The following CYP4X1 variants were observed in gnomAD, a reference collection of about 807,000 sequenced individuals.
CYP4X1 encodes cytochrome P450 4X1.
In CYP4X1, 44 loss-of-function variants were observed where a neutral mutation model predicts 57.9. The observed-to-expected ratio is 0.76, with a 90% confidence interval of 0.60 to 0.98. The LOEUF (loss-of-function observed/expected upper bound fraction) is 0.98. Among genes scored for constraint, CYP4X1 ranks in the 50% least tolerant of loss-of-function variants. The probability of loss-of-function intolerance (pLI) is 0.00; values close to 1 mark genes in which losing one functional copy is unlikely to be tolerated. For synonymous variants in CYP4X1, 227 were observed against 228.6 expected, an observed-to-expected ratio of 0.99 and a Z score of 0.06; for missense variants, 532 against 623.9, an observed-to-expected ratio of 0.85 and a Z score of 1.57.
intron 4 of CYP4X1, among the ~76,000 whole-genome samples, chr1:47,035,341 C>T (rs1557605301): frequency 6.6e-6 from 1 of 152,010 alleles, no homozygotes; most frequent in Non-Finnish European, 1.5e-5. Context: ...CTGTTTCTCA[C>T]TTTTGAATCC....
At chr1:47,034,804 C>T (rs1644162192) in intron 4 of CYP4X1, among the ~76,000 whole-genome samples, 1 of 151,884 alleles carries the variant, frequency 6.6e-6, no homozygotes, top group African/African-American at 2.4e-5. Context: ...TTTCTCGGAG[C>T]GCTTCCTCCC....
upstream of CYP4X1, chr1:47,023,464 T>G: frequency 1.1e-6 from 1 of 944,980 alleles, no homozygotes; most frequent in African/African-American, 1.7e-5. Context: ...TAATTTGTGA[T>G]AAGGAAGAAA....
At chr1:47,011,960 G>A in the CYP4X1 span, among the ~76,000 whole-genome samples, 1 of 152,210 alleles carries the variant, frequency 6.6e-6, no homozygotes, top group African/African-American at 2.4e-5. Flanking sequence ...CACTGTTGGT[G>A]GGACTGTAAA....
rs376250685 is a variant in CYP4X1 at position 47,049,987 on chromosome 1, C to G, written c.1356-13C>G. 24 of 1,609,902 alleles carry G rather than the reference C, an allele frequency of 1.5e-5. No individual in the cohort carries two copies. The African/African-American group carries it at 2.9e-4, about 20-fold the overall frequency. ...TTTTTTCAAGTATCACTTTCTTTCC[C>G]TCTTGTCTTCAGGAACTGCATTGGG... On this transcript the variant is annotated splice_polypyrimidine_tract_variant and intron_variant, in intron 11 of 11. Coordinates refer to ENST00000371901, the MANE Select transcript of CYP4X1 (RefSeq NM_178033.2).
At chr1:46,969,713 T>A in the CYP4X1 span, among the ~76,000 whole-genome samples, 1 of 152,248 alleles carries the variant, frequency 6.6e-6, no homozygotes, top group Non-Finnish European at 1.5e-5. Flanking sequence ...ATGTGTCTTC[T>A]GTATTTCACA....
rs144592209 is a variant in CYP4X1 at position 47,037,070 on chromosome 1, G to A, written c.775+899G>A. Among the ~76,000 whole-genome samples the A allele has an allele frequency of 5.0e-3, 758 of 152,160 alleles. 14 individuals carry two copies. The highest frequency in any genetic ancestry group is 0.047 in the East Asian group (244 of 5,184). On this transcript the variant is annotated intron_variant, in intron 6 of 11. Coordinates refer to ENST00000371901, the MANE Select transcript of CYP4X1 (RefSeq NM_178033.2). ...ATAGCAGCAGTTCCCAAGTCTTTCT[G>A]CATCATTGCACACACAGAAAATGTT...
At chr1:47,053,640 G>A (rs1644373205), downstream of CYP4X1, among the ~76,000 whole-genome samples, 1 of 152,202 alleles carries the variant, frequency 6.6e-6, no homozygotes, top group Non-Finnish European at 1.5e-5. Flanking sequence ...TCTCATTGTG[G>A]TTTTGATTTG....
the CYP4X1 span, among the ~76,000 whole-genome samples, chr1:46,977,948 A>C: frequency 3.0e-4 from 45 of 151,918 alleles, no homozygotes; most frequent in African/African-American, 2.9e-4. Context: ...CACCACCAGG[A>C]CTGCCTTACA....
chr1:47,028,796 C>G (rs1644096924), intron 1 of CYP4X1, among the ~76,000 whole-genome samples: 1 of 152,164 alleles, frequency 6.6e-6, no homozygotes, highest in Admixed American at 6.5e-5. Context: ...TCTCTACCAC[C>G]TGGTACGTGT....
At chr1:47,009,307 A>G in the CYP4X1 span, among the ~76,000 whole-genome samples, 4 of 151,912 alleles carry the variant, frequency 2.6e-5, no homozygotes, top group Non-Finnish European at 4.4e-5. Flanking sequence ...CTCCTGAATG[A>G]CTACCTGGTA....
upstream of CYP4X1, among the ~76,000 whole-genome samples, chr1:47,019,734 ACTGT>A (rs755559383): frequency 9.9e-5 from 15 of 152,222 alleles, no homozygotes; most frequent in Non-Finnish European, 1.9e-4. Flanking sequence ...CTAGAGTTAG[ACTGT>A]CTGACACCAT....
the CYP4X1 span, among the ~76,000 whole-genome samples, chr1:46,991,957 C>T: frequency 2.0e-5 from 3 of 152,260 alleles, no homozygotes; most frequent in East Asian, 5.8e-4. Context: ...AAACAGATCC[C>T]ACTCAACAGA....
At chr1:46,972,400 AG>A in the CYP4X1 span, among the ~76,000 whole-genome samples, 9 of 152,278 alleles carry the variant, frequency 5.9e-5, no homozygotes, top group Admixed American at 2.0e-4. Flanking sequence ...CTTTTTGCTT[AG>A]GATATCTTTG....
the CYP4X1 span, among the ~76,000 whole-genome samples, chr1:47,006,574 G>C: frequency 6.6e-6 from 1 of 152,162 alleles, no homozygotes; most frequent in Non-Finnish European, 1.5e-5. Flanking sequence ...GGGAGTGTCA[G>C]AGAGTGGGTT....
At chr1:47,016,300 A>G in the CYP4X1 span, among the ~76,000 whole-genome samples, 1 of 151,956 alleles carries the variant, frequency 6.6e-6, no homozygotes, top group East Asian at 1.9e-4. Context: ...ACATGCAAAG[A>G]GATACAGAAG....
the CYP4X1 span, among the ~76,000 whole-genome samples, chr1:47,012,694 T>C: frequency 6.6e-6 from 1 of 152,142 alleles, no homozygotes; most frequent in African/African-American, 2.4e-5. Flanking sequence ...GGGACCAAGG[T>C]TTTTTAGCTT....
At chr1:46,976,027 A>T in the CYP4X1 span, among the ~76,000 whole-genome samples, 1 of 152,010 alleles carries the variant, frequency 6.6e-6, no homozygotes, top group Non-Finnish European at 1.5e-5. Context: ...TTCTCGTGTG[A>T]TCGATGCAGA....
rs1295566245 is a variant in CYP4X1 at position 47,049,430 on chromosome 1, C to A, written c.1281C>A (p.Asp427Glu). 6.2e-7 allele frequency: 1 copy of A among 1,613,812 alleles called. No homozygotes were observed. Among genetic ancestry groups the A allele is most frequent in the East Asian group, 2.2e-5 (1 of 44,878 alleles). ...PAVWKNPKVF[D>E]PLRFSQENSD... ...TTGTCCTCTCATTTCAGGTCTTTGA[C>A]CCCTTGAGGTTCTCTCAGGAGAATT... The change falls in exon 11 of 12, where the codon GAC becomes GAA. Residue 427 changes from aspartate to glutamate, a missense_variant. Asp to Glu is a conservative substitution (Grantham distance 45). Coordinates refer to ENST00000371901, the MANE Select transcript of CYP4X1 (RefSeq NM_178033.2).
the CYP4X1 span, among the ~76,000 whole-genome samples, chr1:46,992,654 G>A: frequency 6.6e-6 from 1 of 152,154 alleles, no homozygotes; most frequent in African/African-American, 2.4e-5. Context: ...GTCTGTTAAT[G>A]GACACTTGAG....
Sources: allele counts gnomAD v4.1 joint callset (sites outside exome capture counted in the v4.1 genomes callset), GRCh38; gene constraint gnomAD v4.1.1; transcripts MANE v1.5; gene names NCBI Gene and HGNC (gene_info 2026-07-23, HGNC 2026-07-21).